The following KIAA0825 variants were observed in gnomAD, a reference collection of about 807,000 sequenced individuals.
KIAA0825 encodes the protein uncharacterized protein KIAA0825.
In KIAA0825, 119 loss-of-function variants were observed where a neutral mutation model predicts 147.6. The observed-to-expected ratio is 0.81, with a 90% CI of 0.69 to 0.94. KIAA0825 has a LOEUF of 0.94. Ranked by LOEUF, KIAA0825 falls within the 40% of genes least tolerant of loss-of-function variation. The pLI is 0.00. For missense variants in KIAA0825, 1,381 were observed against 1,472.7 expected (o/e 0.94, Z 1.02); for synonymous variants, 470 against 518.1 (o/e 0.91, Z 1.26).
At chr5:94,386,521 A>T (rs1321021023) in intron 18 of KIAA0825, 117 bp from the exon 19 acceptor site, 1 of 789,246 alleles carries the variant, frequency 1.3e-6, no homozygotes, top group East Asian at 2.7e-5. Flanking sequence ...ACAGTGTATT[A>T]CTTGCCTCAG....
intron 20 of KIAA0825, among the ~76,000 whole-genome samples, chr5:94,199,292 T>C (rs1771438995): frequency 6.6e-6 from 1 of 152,238 alleles, no homozygotes; most frequent in Admixed American, 6.5e-5. Flanking sequence ...AATTTCTGCA[T>C]GCCTCCAGGG....
At chr5:94,578,118 A>G (rs983816915) in intron 2 of KIAA0825, among the ~76,000 whole-genome samples, 1 of 152,240 alleles carries the variant, frequency 6.6e-6, no homozygotes, top group Non-Finnish European at 1.5e-5. Flanking sequence ...CTCTGCTAAC[A>G]AAAAGTATTT....
intron 5 of KIAA0825, among the ~76,000 whole-genome samples, chr5:94,506,353 T>G (rs927426153): frequency 6.6e-6 from 1 of 152,214 alleles, no homozygotes; most frequent in Non-Finnish European, 1.5e-5. Context: ...CACTTTGACC[T>G]ATGGTAAGAA....
intron 20 of KIAA0825, among the ~76,000 whole-genome samples, chr5:94,356,725 C>CTT (rs1172838355): frequency 9.4e-5 from 11 of 116,736 alleles, no homozygotes; most frequent in African/African-American, 1.4e-4. Context: ...AACTTGATTT[C>CTT]TTTTTTTTTT....
chr5:94,574,543 C>CAAAAAAAAGAAAAA (rs1780616059), intron 2 of KIAA0825, among the ~76,000 whole-genome samples: 1 of 65,530 alleles, frequency 1.5e-5, no homozygotes, highest in Non-Finnish European at 2.6e-5. Context: ...GACTCCATCT[C>CAAAAAAAAGAAAAA]AAAAAAAAAA....
intron 20 of KIAA0825, among the ~76,000 whole-genome samples, chr5:94,286,806 G>T (rs772597980): frequency 3.3e-5 from 5 of 152,084 alleles, no homozygotes; most frequent in African/African-American, 7.2e-5. Flanking sequence ...GTCTTGAAAC[G>T]CTGGCTTCAC....
chr5:94,293,718 G>C (rs1375497397), intron 20 of KIAA0825, among the ~76,000 whole-genome samples: 3 of 152,138 alleles, frequency 2.0e-5, no homozygotes, highest in Non-Finnish European at 4.4e-5. Context: ...GGGTGTTAAA[G>C]TCTTCCAGTA....
intron 20 of KIAA0825, among the ~76,000 whole-genome samples, chr5:94,183,325 C>T (rs188850324): frequency 2.0e-5 from 3 of 152,296 alleles, no homozygotes; most frequent in Non-Finnish European, 4.4e-5. Flanking sequence ...GTTCCTGACA[C>T]AGAGCTCCTA....
At chr5:94,283,381 C>G (rs1003194104) in intron 20 of KIAA0825, among the ~76,000 whole-genome samples, 1 of 152,088 alleles carries the variant, frequency 6.6e-6, no homozygotes, top group Non-Finnish European at 1.5e-5. Context: ...TCTCTGCTAT[C>G]CAGTGTAGGG....
At chr5:94,179,195 A>G (rs998708379) in intron 20 of KIAA0825, among the ~76,000 whole-genome samples, 4 of 152,112 alleles carry the variant, frequency 2.6e-5, no homozygotes, top group Non-Finnish European at 5.9e-5. Flanking sequence ...TCTGCAGAGA[A>G]GGCAGTGGTG....
chr5:94,440,127 A>G lies in KIAA0825; in HGVS notation c.2358-6T>C, dbSNP rs1312876349. 2.6e-6 allele frequency: 4 copies of G among 1,550,420 alleles called. No homozygotes were observed. The South Asian group carries it at 4.8e-5, about 18-fold the overall frequency. ...GTCCTCCAGCTGATGGAGTCCTTTC[A>G]AAATGCAAGATAAAGATGGAGTAAT... On this transcript the variant is annotated splice_region_variant and splice_polypyrimidine_tract_variant and intron_variant, in intron 13 of 20. Transcript: ENST00000682413.
rs181512427 is a variant in KIAA0825 at position 94,260,081 on chromosome 5, C to T, written c.3711-105957G>A. Among the ~76,000 whole-genome samples the T allele has an allele frequency of 2.0e-5, 3 of 152,156 alleles. No individual in the cohort carries two copies. In the East Asian group the frequency reaches 5.8e-4, roughly 29 times the overall value. ...ATATACTATAATATGGTTACAAGTG[C>T]ATTGAAATTCATCTTGTTAGAATGG... On this transcript the variant is annotated intron_variant, in intron 20 of 20. Coordinates refer to ENST00000682413, the MANE Select transcript of KIAA0825 (RefSeq NM_001145678.3).
intron 1 of KIAA0825, among the ~76,000 whole-genome samples, chr5:94,595,037 G>C (rs1326785447): frequency 6.6e-6 from 1 of 152,152 alleles, no homozygotes; most frequent in Non-Finnish European, 1.5e-5. Context: ...TCAGAGGCTG[G>C]CGTTGAGTGT....
intron 20 of KIAA0825, among the ~76,000 whole-genome samples, chr5:94,311,261 T>C (rs1247187999): frequency 6.6e-6 from 1 of 151,208 alleles, no homozygotes; most frequent in Non-Finnish European, 1.5e-5. Flanking sequence ...TTTGTTGTTG[T>C]TGTTCTTTTT....
chr5:94,538,411 C>T lies in KIAA0825; in HGVS notation c.-1-1284G>A, dbSNP rs371181111. 1.0e-3 allele frequency among the ~76,000 whole-genome samples: 157 copies of T among 152,290 alleles called. 1 individual carries two copies. Among genetic ancestry groups the T allele is most frequent in the African/African-American group, 1.1e-3 (46 of 41,560 alleles). The stretch of plus-strand genomic sequence containing the variant: ...TGCTTTGGCCAAGAAATGACTCTTA[C>T]GACATCTGCTTAAATGTGGTTAAGA... On this transcript the variant is annotated intron_variant, in intron 2 of 20. Coordinates refer to ENST00000682413, the MANE Select transcript of KIAA0825 (RefSeq NM_001145678.3).
chr5:94,594,873 A>C (rs1161671123), intron 1 of KIAA0825: 1 of 289,442 alleles, frequency 3.5e-6, no homozygotes, highest in Non-Finnish European at 6.8e-6. Flanking sequence ...CAAATAAAAA[A>C]TAGTAGATAA....
At chr5:94,611,284 C>T (rs779250134) in intron 1 of KIAA0825, among the ~76,000 whole-genome samples, 3 of 152,078 alleles carry the variant, frequency 2.0e-5, no homozygotes, top group African/African-American at 4.8e-5. Context: ...TATGTTAAAT[C>T]GCCTCTTTAA....
intron 3 of KIAA0825, among the ~76,000 whole-genome samples, chr5:94,527,651 A>G (rs1292604729): frequency 5.3e-5 from 8 of 152,072 alleles, no homozygotes; most frequent in Admixed American, 5.2e-4. Context: ...TTTACCCACA[A>G]AATAAGTTCA....
At chr5:94,417,824 T>C (rs1382958160) in intron 14 of KIAA0825, among the ~76,000 whole-genome samples, 1 of 152,220 alleles carries the variant, frequency 6.6e-6, no homozygotes, top group African/African-American at 2.4e-5. Context: ...AATTATGCTA[T>C]CAATTCTACA....
Sources: allele counts gnomAD v4.1 joint callset (sites outside exome capture counted in the v4.1 genomes callset), GRCh38; gene constraint gnomAD v4.1.1; transcripts MANE v1.5; gene names NCBI Gene and HGNC (gene_info 2026-07-23, HGNC 2026-07-21).